NRF1: variants seen among roughly 807,000 people sequenced by gnomAD.
NRF1 encodes alpha palindromic-binding protein.
Under a neutral mutation model 58.5 loss-of-function variants are expected in NRF1, and 5 were observed. The observed-to-expected ratio is 0.09, with a 90% CI of 0.04 to 0.18. The LOEUF is 0.18. NRF1 is among the 10% of genes least tolerant of loss of function. NRF1 has a pLI of 1.00. For synonymous variants in NRF1, 224 were observed against 246.7 expected (o/e 0.91, Z 0.86); for missense variants, 288 against 657.7 (o/e 0.44, Z 6.15).
chr7:129,716,990 C>T (rs1803207583), intron 8 of NRF1, among the ~76,000 whole-genome samples: 1 of 152,174 alleles, frequency 6.6e-6, no homozygotes, highest in South Asian at 2.1e-4. Flanking sequence ...TTTGTGTGTC[C>T]TTCCAGAATT....
intron 1 of NRF1, among the ~76,000 whole-genome samples, chr7:129,628,888 A>G (rs1016711898): frequency 7.9e-5 from 12 of 152,248 alleles, no homozygotes; most frequent in African/African-American, 2.7e-4. Flanking sequence ...AACATCATCT[A>G]TTGGTAATTT....
At chr7:129,614,174 G>T (rs1800608119) in intron 1 of NRF1, among the ~76,000 whole-genome samples, 1 of 152,132 alleles carries the variant, frequency 6.6e-6, no homozygotes, top group Non-Finnish European at 1.5e-5. Context: ...GGAGTGCAGT[G>T]GTGCGATCTC....
At chr7:129,739,964 G>A (rs530549253) in intron 10 of NRF1, among the ~76,000 whole-genome samples, 1 of 152,282 alleles carries the variant, frequency 6.6e-6, no homozygotes, top group Non-Finnish European at 1.5e-5. Context: ...TGGGGCTCTT[G>A]ATTCTAGACA....
At chr7:129,698,757 G>GC (rs1802754124) in intron 5 of NRF1, among the ~76,000 whole-genome samples, 5 of 152,138 alleles carry the variant, frequency 3.3e-5, no homozygotes. Flanking sequence ...TTGCTGGTGA[G>GC]CCCCCAGGTG....
intron 5 of NRF1, among the ~76,000 whole-genome samples, chr7:129,705,323 C>T (rs1802922626): frequency 6.6e-6 from 1 of 151,978 alleles, no homozygotes; most frequent in African/African-American, 2.4e-5. Flanking sequence ...TGGAGTCTTG[C>T]TCTGTTGCCC....
chr7:129,742,509 C>T (rs1803872762), intron 10 of NRF1, among the ~76,000 whole-genome samples: 1 of 152,188 alleles, frequency 6.6e-6, no homozygotes. Flanking sequence ...CACTGCATTG[C>T]TCTCACATGC....
At chr7:129,662,414 GTGTGTGTGTT>G (rs1227197782) in intron 2 of NRF1, among the ~76,000 whole-genome samples, 1 of 125,726 alleles carries the variant, frequency 8.0e-6, no homozygotes, top group African/African-American at 3.1e-5. Context: ...GTGTGTGTGT[GTGTGTGTGTT>G]TCCTCCGAGA....
intron 2 of NRF1, among the ~76,000 whole-genome samples, chr7:129,658,323 G>A (rs190753815): frequency 6.9e-4 from 105 of 152,106 alleles, no homozygotes; most frequent in African/African-American, 2.3e-3. Context: ...TAGGCTCAGT[G>A]GCTCACACCT....
intron 6 of NRF1, 80 bp from the exon 7 acceptor site, chr7:129,710,294 G>A: frequency 1.6e-6 from 2 of 1,257,842 alleles, no homozygotes; most frequent in Non-Finnish European, 2.3e-6. Flanking sequence ...TGATAAAGAA[G>A]TAGCTGCTTA....
At chr7:129,612,259 C>T (rs2151050418) in intron 1 of NRF1, among the ~76,000 whole-genome samples, 1 of 149,914 alleles carries the variant, frequency 6.7e-6, no homozygotes, top group African/African-American at 2.4e-5. Context: ...AGCCGCGGCT[C>T]TCGGCTCGCC....
rs2116297301 is a variant in NRF1, at chr7:129,741,801, A to G, written c.1349-13217A>G. 6.6e-6 allele frequency among the ~76,000 whole-genome samples: 1 copy of G among 152,284 alleles called. No individual in the cohort carries two copies. Among genetic ancestry groups the G allele is most frequent in the East Asian group, 1.9e-4 (1 of 5,194 alleles). ...TTTGGGGCCCTCTGGCTCTCAGGTTACCTGTGTAAATACAGGGATTCACTT... is the reference window on the plus strand; with the variant it reads ...TTTGGGGCCCTCTGGCTCTCAGGTTGCCTGTGTAAATACAGGGATTCACTT... On this transcript the variant is annotated intron_variant, in intron 10 of 10. Coordinates refer to ENST00000393232, the MANE Select transcript of NRF1 (RefSeq NM_005011.5). This position sits in a 1 kb window ranked among gnomAD's most constrained non-coding sequence, Gnocchi z 4.0.
intron 1 of NRF1, among the ~76,000 whole-genome samples, chr7:129,644,414 T>C (rs1801361106): frequency 6.6e-6 from 1 of 152,106 alleles, no homozygotes. Context: ...GCCTGAATAA[T>C]TGTATGAACC....
chr7:129,711,634 AGC>A, intron 8 of NRF1, 58 bp downstream of exon 8: 1 of 1,394,384 alleles, frequency 7.2e-7, no homozygotes. Flanking sequence ...ATGAGGGAAA[AGC>A]AAGGGTCCAG....
At chr7:129,634,055 TATATATAC>T (rs1255340311) in intron 1 of NRF1, among the ~76,000 whole-genome samples, 18 of 120,086 alleles carry the variant, frequency 1.5e-4, no homozygotes, top group African/African-American at 5.8e-4. Flanking sequence ...TATATATATA[TATATATAC>T]ACACACACAC....
At chr7:129,642,587 GTA>G in intron 1 of NRF1, among the ~76,000 whole-genome samples, 1 of 152,024 alleles carries the variant, frequency 6.6e-6, no homozygotes, top group South Asian at 2.1e-4. Flanking sequence ...AAAACCAACT[GTA>G]TAAGAAACTA....
At chr7:129,671,319 C>T (rs187040993) in intron 2 of NRF1, 110 bp from the exon 3 acceptor site, 261 of 608,274 alleles carry the variant, frequency 4.3e-4, no homozygotes, top group African/African-American at 3.7e-3. Context: ...CTTTATTTAC[C>T]GACAACAATA....
intron 9 of NRF1, among the ~76,000 whole-genome samples, chr7:129,720,447 G>A (rs1173442372): frequency 1.3e-5 from 2 of 152,220 alleles, no homozygotes; most frequent in Non-Finnish European, 2.9e-5. Flanking sequence ...AGTCATCTCA[G>A]TAAGAAATAC....
chr7:129,692,603 T>C (rs996161007), intron 5 of NRF1, among the ~76,000 whole-genome samples: 3 of 152,308 alleles, frequency 2.0e-5, no homozygotes, highest in African/African-American at 7.2e-5. Context: ...TATTTATTTA[T>C]TTAATTCAGG....
intron 2 of NRF1, among the ~76,000 whole-genome samples, chr7:129,670,303 A>G (rs1359827543): frequency 6.6e-6 from 1 of 152,250 alleles, no homozygotes; most frequent in African/African-American, 2.4e-5. Flanking sequence ...TTAAGAGAGT[A>G]GATAACAAAC....
Sources: allele counts gnomAD v4.1 joint callset (sites outside exome capture counted in the v4.1 genomes callset), GRCh38; gene constraint gnomAD v4.1.1; non-coding constraint Gnocchi (gnomAD v3.1); transcripts MANE v1.5; gene names NCBI Gene and HGNC (gene_info 2026-07-23, HGNC 2026-07-21).